The following MAGI1 variants were observed in gnomAD, a reference collection of about 807,000 sequenced individuals.
The protein encoded by MAGI1 is membrane associated guanylate kinase, WW and PDZ domain containing 1.
A neutral mutation model predicts 139.9 loss-of-function variants in MAGI1; 58 were observed. That is an observed-to-expected ratio of 0.41 (90% CI 0.34 to 0.52). MAGI1 has a LOEUF of 0.52. Ranked by LOEUF, MAGI1 falls within the 20% of genes least tolerant of loss-of-function variation. MAGI1 has a pLI of 0.12. For synonymous variants in MAGI1, 812 were observed against 737.9 expected, an observed-to-expected ratio of 1.10 and a Z score of -1.63; for missense variants, 1,874 against 1,901.6, an observed-to-expected ratio of 0.99 and a Z score of 0.27.
At chr3:65,750,713 G>C (rs574746782) in intron 1 of MAGI1, among the ~76,000 whole-genome samples, 1 of 152,132 alleles carries the variant, frequency 6.6e-6, no homozygotes, top group Non-Finnish European at 1.5e-5. Context: ...TTAGAATCTC[G>C]GGTTTCATGA....
chr3:65,998,103 G>A (rs1339732571), intron 1 of MAGI1, among the ~76,000 whole-genome samples: 9 of 148,132 alleles, frequency 6.1e-5, no homozygotes, highest in Non-Finnish European at 7.5e-5. Context: ...ACTCTGTCTC[G>A]GGAAAAAAAA....
chr3:65,722,654 G>A (rs2033170550), intron 1 of MAGI1, among the ~76,000 whole-genome samples: 1 of 150,508 alleles, frequency 6.6e-6, no homozygotes, highest in South Asian at 2.1e-4. Context: ...AATTACTTTG[G>A]ACTCATCTTC....
chr3:65,913,978 G>T (rs746338051), intron 1 of MAGI1: 1 of 150,652 alleles, frequency 6.6e-6, no homozygotes, highest in South Asian at 2.1e-4. Context: ...AACCCAGAGA[G>T]ACCATTAGAA....
chr3:65,971,931 G>A (rs1051964529), intron 1 of MAGI1, among the ~76,000 whole-genome samples: 3 of 152,256 alleles, frequency 2.0e-5, no homozygotes, highest in South Asian at 2.1e-4. Flanking sequence ...TAATCATGTC[G>A]TACCTCAGCA....
chr3:65,495,846 G>A (rs868832704), intron 2 of MAGI1, among the ~76,000 whole-genome samples: 4 of 152,024 alleles, frequency 2.6e-5, no homozygotes, highest in Admixed American at 6.6e-5. Context: ...GCTTTGATAC[G>A]GGTGTGATCT....
intron 1 of MAGI1, among the ~76,000 whole-genome samples, chr3:65,701,931 G>A (rs59989257): frequency 0.024 from 3,614 of 152,140 alleles, 136 homozygotes; most frequent in African/African-American, 0.081. Flanking sequence ...CTTATCAAGC[G>A]CTATGCAAAT....
At chr3:65,866,910 G>A (rs1367649130) in intron 1 of MAGI1, among the ~76,000 whole-genome samples, 1 of 152,164 alleles carries the variant, frequency 6.6e-6, no homozygotes, top group Admixed American at 6.5e-5. Flanking sequence ...TGGAGACTGT[G>A]GTCAATCAGC....
intron 1 of MAGI1, among the ~76,000 whole-genome samples, chr3:65,919,801 C>T (rs1432947069): frequency 6.6e-6 from 1 of 152,062 alleles, no homozygotes; most frequent in African/African-American, 2.4e-5. Flanking sequence ...TTCTCTCATA[C>T]AGTCTGTCAG....
intron 4 of MAGI1, among the ~76,000 whole-genome samples, chr3:65,476,344 G>A (rs1950887020): frequency 6.6e-6 from 1 of 152,142 alleles, no homozygotes; most frequent in Non-Finnish European, 1.5e-5. Flanking sequence ...ACAAGAACGT[G>A]AGGAACACAA....
At chr3:65,890,272 G>A (rs2060694227) in intron 1 of MAGI1, among the ~76,000 whole-genome samples, 2 of 152,180 alleles carry the variant, frequency 1.3e-5, no homozygotes, top group Non-Finnish European at 2.9e-5. Flanking sequence ...GGCTGAGGCA[G>A]GAGAATGGCG....
At chr3:65,701,292 G>A (rs1490195961) in intron 1 of MAGI1, among the ~76,000 whole-genome samples, 9 of 152,072 alleles carry the variant, frequency 5.9e-5, no homozygotes, top group East Asian at 3.9e-4. Flanking sequence ...TGCTCTTGTC[G>A]CCCAGGCTGG....
chr3:65,504,189 T>C (rs1372584154), intron 2 of MAGI1, among the ~76,000 whole-genome samples: 1 of 152,184 alleles, frequency 6.6e-6, no homozygotes, highest in Non-Finnish European at 1.5e-5. Flanking sequence ...ATGCACTCAA[T>C]GTCCTTATCT....
At chr3:65,388,726 A>G (rs1326719886) in intron 14 of MAGI1, among the ~76,000 whole-genome samples, 1 of 152,062 alleles carries the variant, frequency 6.6e-6, no homozygotes, top group East Asian at 1.9e-4. Flanking sequence ...CTATCCGTCA[A>G]CTACAGAGAC....
intron 1 of MAGI1, among the ~76,000 whole-genome samples, chr3:65,857,887 T>G (rs2059422649): frequency 6.6e-6 from 1 of 152,086 alleles, no homozygotes; most frequent in Non-Finnish European, 1.5e-5. Context: ...GGGGAACAAA[T>G]GGGTCTAATC....
At chr3:65,933,667 G>A (rs924599141) in intron 1 of MAGI1, among the ~76,000 whole-genome samples, 1 of 152,140 alleles carries the variant, frequency 6.6e-6, no homozygotes, top group Non-Finnish European at 1.5e-5. Context: ...GGGTCTTGGA[G>A]GCTAGCTACA....
intron 7 of MAGI1, among the ~76,000 whole-genome samples, chr3:65,444,377 G>C (rs1176327453): frequency 6.6e-6 from 1 of 151,982 alleles, no homozygotes; most frequent in African/African-American, 2.4e-5. Context: ...GGAAATCGAA[G>C]ATTAAAAAAA....
chr3:65,493,679 C>T, intron 2 of MAGI1, 48 bp from the exon 3 acceptor site: 1 of 1,609,120 alleles, frequency 6.2e-7, no homozygotes, highest in South Asian at 1.1e-5. Flanking sequence ...TCAACTAAAA[C>T]AGGAAGTTCC....
At chr3:65,374,088 G>GT (rs1266568712) in intron 18 of MAGI1, among the ~76,000 whole-genome samples, 1 of 152,002 alleles carries the variant, frequency 6.6e-6, no homozygotes, top group Non-Finnish European at 1.5e-5. Context: ...ATGGCATAGA[G>GT]TTTTTATCAC....
intron 1 of MAGI1, among the ~76,000 whole-genome samples, chr3:66,036,876 T>A (rs1024541337): frequency 6.6e-6 from 1 of 152,224 alleles, no homozygotes; most frequent in Admixed American, 6.5e-5. Context: ...CTGGTCTCCA[T>A]TGGGTTGACA....
Sources: allele counts gnomAD v4.1 joint callset (sites outside exome capture counted in the v4.1 genomes callset), GRCh38; gene constraint gnomAD v4.1.1; transcripts MANE v1.5; gene names NCBI Gene and HGNC (gene_info 2026-07-23, HGNC 2026-07-21).